SAMMSON: variants seen among roughly 807,000 people sequenced by gnomAD.
SAMMSON encodes the protein survival associated mitochondrial melanoma specific oncogenic non-coding RNA.
intron 4 of SAMMSON, among the ~76,000 whole-genome samples, chr3:70,079,114 T>A (rs892274739): frequency 6.6e-6 from 1 of 152,146 alleles, no homozygotes; most frequent in Non-Finnish European, 1.5e-5. Context: ...ACAGAAAAAG[T>A]TTGCAGATTC....
At chr3:70,173,557 C>G (rs573711374) in intron 4 of SAMMSON, among the ~76,000 whole-genome samples, 2 of 151,914 alleles carry the variant, frequency 1.3e-5, no homozygotes, top group Non-Finnish European at 2.9e-5. Context: ...TGCCCTCTCA[C>G]GACTTTTGCA....
chr3:70,021,833 C>T (rs769794632), intron 3 of SAMMSON, among the ~76,000 whole-genome samples: 27 of 152,106 alleles, frequency 1.8e-4, no homozygotes, highest in Non-Finnish European at 3.5e-4. Context: ...CTTAAAAAAA[C>T]TAGCTTGCAG....
In SAMMSON at chr3:70,283,573, T is replaced by A. The variant is rs559816883; in HGVS notation, n.675-7606T>A. On this transcript the variant is annotated intron_variant and non_coding_transcript_variant, in intron 6 of 9. Coordinates refer to ENST00000642114, the Ensembl canonical transcript of SAMMSON. ...GCCTCCCCTAGCCTCTGTTACCTCATCTATACAATGAGCTTGGTTGTGTCC... is the reference window on the plus strand; with the variant it reads ...GCCTCCCCTAGCCTCTGTTACCTCAACTATACAATGAGCTTGGTTGTGTCC... 2.0e-5 allele frequency: 3 copies of A among 152,210 alleles called. No homozygotes were observed. The East Asian group carries it at 5.8e-4, about 30-fold the overall frequency. 9.4% of individuals were successfully genotyped at this position (152,210 alleles called of 1,614,324 possible).
At chr3:70,081,123 T>G (rs910953981) in intron 4 of SAMMSON, among the ~76,000 whole-genome samples, 2 of 152,202 alleles carry the variant, frequency 1.3e-5, no homozygotes, top group African/African-American at 4.8e-5. Flanking sequence ...TGTTTTTGTT[T>G]TTGTTTTTAA....
At chr3:70,149,648 A>T (rs928947039) in intron 4 of SAMMSON, among the ~76,000 whole-genome samples, 2 of 152,046 alleles carry the variant, frequency 1.3e-5, no homozygotes, top group African/African-American at 4.8e-5. Flanking sequence ...TTTGCTTCTG[A>T]TTTATTTCAA....
chr3:70,233,914 G>A (rs1199926763), intron 4 of SAMMSON, among the ~76,000 whole-genome samples: 1 of 152,126 alleles, frequency 6.6e-6, no homozygotes, highest in African/African-American at 2.4e-5. Flanking sequence ...ATTGTTTTCA[G>A]TTGTTGGCTG....
At chr3:70,394,106 C>A (rs1701071992), downstream of SAMMSON, among the ~76,000 whole-genome samples, 1 of 152,134 alleles carries the variant, frequency 6.6e-6, no homozygotes, top group Non-Finnish European at 1.5e-5. Flanking sequence ...ACTAACAGGA[C>A]TCCCTGCCAG....
chr3:70,056,712 T>C (rs1314453154), intron 3 of SAMMSON, among the ~76,000 whole-genome samples: 1 of 152,022 alleles, frequency 6.6e-6, no homozygotes, highest in African/African-American at 2.4e-5. Flanking sequence ...TTATTACATG[T>C]TAAAATACAG....
At chr3:70,188,486 G>C (rs1331624578) in intron 4 of SAMMSON, among the ~76,000 whole-genome samples, 1 of 152,146 alleles carries the variant, frequency 6.6e-6, no homozygotes, top group Non-Finnish European at 1.5e-5. Context: ...AAAATAAAGA[G>C]ATATGGGAAT....
intron 3 of SAMMSON, among the ~76,000 whole-genome samples, chr3:70,025,521 G>A (rs2067033838): frequency 6.6e-6 from 1 of 152,194 alleles, no homozygotes; most frequent in African/African-American, 2.4e-5. Context: ...GGGATTACAG[G>A]CATGAGCCAC....
chr3:70,244,309 T>TAAC (rs1210479265), intron 4 of SAMMSON, among the ~76,000 whole-genome samples: 9 of 152,226 alleles, frequency 5.9e-5, no homozygotes, highest in Admixed American at 1.3e-4. Context: ...CACTGCAGTG[T>TAAC]AGACTTTTTC....
At chr3:70,019,418 T>G (rs1372411583) in intron 3 of SAMMSON, among the ~76,000 whole-genome samples, 1 of 152,202 alleles carries the variant, frequency 6.6e-6, no homozygotes, top group African/African-American at 2.4e-5. Context: ...TGCCTTTTTT[T>G]GTTTTACATT....
chr3:70,098,063 T>G (rs892390459), intron 4 of SAMMSON, among the ~76,000 whole-genome samples: 1 of 152,208 alleles, frequency 6.6e-6, no homozygotes, highest in South Asian at 2.1e-4. Context: ...AATTAAGTCA[T>G]TTGTGTTCTC....
intron 7 of SAMMSON, among the ~76,000 whole-genome samples, chr3:70,321,880 C>T (rs1016729446): frequency 2.0e-5 from 3 of 151,822 alleles, no homozygotes; most frequent in African/African-American, 7.3e-5. Context: ...AAAATTGTAG[C>T]GTAGAGATGA....
intron 3 of SAMMSON, among the ~76,000 whole-genome samples, chr3:70,061,611 C>A (rs2067190769): frequency 1.3e-5 from 2 of 152,104 alleles, no homozygotes; most frequent in South Asian, 4.1e-4. Context: ...CCACCATGCC[C>A]TGTTAAATGT....
At chr3:70,030,225 C>T (rs1185447334) in intron 3 of SAMMSON, 27 of 152,134 alleles carry the variant, frequency 1.8e-4, no homozygotes, top group Admixed American at 1.8e-3. Context: ...TAAAAAATTT[C>T]ACACATTATT....
chr3:70,331,816 T>A (rs967091075), intron 7 of SAMMSON, among the ~76,000 whole-genome samples: 1 of 152,230 alleles, frequency 6.6e-6, no homozygotes, highest in Non-Finnish European at 1.5e-5. Flanking sequence ...GACTGTCATA[T>A]TCAGATAATG....
At chr3:70,160,456 G>A (rs528068308) in intron 4 of SAMMSON, among the ~76,000 whole-genome samples, 1 of 146,144 alleles carries the variant, frequency 6.8e-6, no homozygotes, top group East Asian at 2.2e-4. Flanking sequence ...TGTTTCTTCA[G>A]TGAATTTCTG....
At chr3:70,434,046 C>T (rs1414640186) in intron 2 of SAMMSON, among the ~76,000 whole-genome samples, 1 of 152,176 alleles carries the variant, frequency 6.6e-6, no homozygotes, top group Non-Finnish European at 1.5e-5. Flanking sequence ...ATTGACGTAG[C>T]TTTATAAGCA....
Sources: gnomAD v4.1 joint callset for allele counts (sites outside exome capture counted in the v4.1 genomes callset) on GRCh38, gnomAD v4.1.1 for gene constraint, MANE v1.5 for transcripts, NCBI Gene and HGNC (gene_info 2026-07-23, HGNC 2026-07-21) for gene names.